Variants in BIRC6 observed in about 807,000 individuals in gnomAD.
The protein encoded by BIRC6 is baculoviral IAP repeat containing 6.
In BIRC6, 98 loss-of-function variants were observed where a neutral mutation model predicts 503.3. The observed-to-expected ratio is 0.19, with a 90% CI of 0.17 to 0.23. BIRC6 has a LOEUF of 0.23. BIRC6 is among the 10% of genes least tolerant of loss of function. The pLI is 1.00. For synonymous variants in BIRC6, 2,240 were observed against 2,078.7 expected, an observed-to-expected ratio of 1.08 and a Z score of -2.11; for missense variants, 5,360 against 5,806.0, an observed-to-expected ratio of 0.92 and a Z score of 2.50.
intron 66 of BIRC6, among the ~76,000 whole-genome samples, chr2:32,587,357 A>G (rs1051118481): frequency 6.6e-6 from 1 of 152,204 alleles, no homozygotes; most frequent in Admixed American, 6.5e-5. Flanking sequence ...ACTGCCCTCC[A>G]ACCTGGGCAA....
intron 20 of BIRC6, among the ~76,000 whole-genome samples, chr2:32,444,031 G>GTGTTTTTTTTTTTTTTTTTTTT: frequency 7.3e-6 from 1 of 136,876 alleles, no homozygotes; most frequent in African/African-American, 2.8e-5. Flanking sequence ...GGGACCAGTG[G>GTGTTTTTTTTTTTTTTTTTTTT]TTTTTTTTTT....
rs776165694 is a variant in BIRC6 at position 32,515,056 on chromosome 2, A to G, written c.10635A>G (p.Leu3545=). 2.9e-5 allele frequency: 47 copies of G among 1,613,792 alleles called. No individual in the cohort carries two copies. Among genetic ancestry groups the G allele is most frequent in the Non-Finnish European group, 2.7e-5 (32 of 1,179,860 alleles). ...TTTTGAAGAAAGCTGTTGACAGTCT[A>G]CTTTGCTCAATGTGTCACGTACACC... ...NMVLKKAVDS[L]LCSMCHVHPN... is the part of the protein sequence containing the mutation. The change falls in exon 55 of 74, where the codon CTA becomes CTG. Residue 3545 remains leucine (L), a synonymous_variant. Transcript: ENST00000421745.
At chr2:32,556,406 A>G (rs1162466276) in intron 65 of BIRC6, among the ~76,000 whole-genome samples, 1 of 152,182 alleles carries the variant, frequency 6.6e-6, no homozygotes, top group Non-Finnish European at 1.5e-5. Context: ...TTTCTCTCCT[A>G]TGAGCTGCTC....
At chr2:32,587,857 T>A (rs2061154801) in intron 66 of BIRC6, among the ~76,000 whole-genome samples, 1 of 152,242 alleles carries the variant, frequency 6.6e-6, no homozygotes, top group Non-Finnish European at 1.5e-5. Flanking sequence ...GAATTTGTAA[T>A]ATCCTATGAT....
At chr2:32,516,359 C>T (rs1365178872) in intron 55 of BIRC6, among the ~76,000 whole-genome samples, 1 of 151,182 alleles carries the variant, frequency 6.6e-6, no homozygotes, top group Admixed American at 6.6e-5. Flanking sequence ...CCTAAAAATA[C>T]AAAAAAATTA....
rs571369996 is a variant in BIRC6, at chr2:32,463,211, A to T, written c.4771A>T (p.Thr1591Ser). 6 of 1,610,514 alleles carry T rather than the reference A, an allele frequency of 3.7e-6. No homozygotes were observed. The highest frequency in any genetic ancestry group is 5.1e-6 in the Non-Finnish European group (6 of 1,178,718). Residue 1591 changes from threonine (T) to serine (S), a missense_variant, in exon 24 of 74, where the codon ACT becomes TCT. Coordinates refer to ENST00000421745, the MANE Select transcript of BIRC6 (RefSeq NM_016252.4). ...TATGCCAGTGAGTTCCTTCGGGGTTACTCCTGCAGTAGGTGGACTATCATC... is the reference window on the plus strand; with the variant it reads ...TATGCCAGTGAGTTCCTTCGGGGTTTCTCCTGCAGTAGGTGGACTATCATC... ...RDDAMSSFGV[T>S]PAVGGLSSGT...
At chr2:32,385,616 C>T (rs1179173445) in intron 3 of BIRC6, among the ~76,000 whole-genome samples, 1 of 152,164 alleles carries the variant, frequency 6.6e-6, no homozygotes, top group Non-Finnish European at 1.5e-5. Context: ...ATTAGGTTGC[C>T]ACAGGCTCCT....
intron 39 of BIRC6, among the ~76,000 whole-genome samples, chr2:32,485,068 A>T (rs548331341): frequency 6.6e-6 from 1 of 152,218 alleles, no homozygotes. Flanking sequence ...TTCTTAAAGG[A>T]GCATGGTATT....
intron 42 of BIRC6, among the ~76,000 whole-genome samples, chr2:32,489,771 A>G (rs887369763): frequency 2.6e-5 from 4 of 152,186 alleles, no homozygotes; most frequent in African/African-American, 4.8e-5. Flanking sequence ...AGAAATGCCT[A>G]TGGTTTGGAA....
intron 1 of BIRC6, among the ~76,000 whole-genome samples, chr2:32,360,127 G>A (rs2033815109): frequency 6.6e-6 from 1 of 152,126 alleles, no homozygotes. Context: ...CTACCACAGA[G>A]GAAAGACATC....
Position 32,479,663 on chromosome 2 carries a change from CAT to C in BIRC6, c.7408+47_7408+48del, listed in dbSNP as rs777108464. On this transcript the variant is annotated intron_variant, in intron 37 of 73. Transcript: ENST00000421745. Reference sequence around the variant, plus strand: ...TCTTCTTTATTCTATTAAATGGAAACATGTTTCAAAATAAAGAATGTTAGAGA... The same window carrying C: ...TCTTCTTTATTCTATTAAATGGAAACGTTTCAAAATAAAGAATGTTAGAGA... 47 of 1,408,616 alleles carry C rather than the reference CAT, an allele frequency of 3.3e-5. No individual in the cohort carries two copies. In the Middle Eastern group the frequency reaches 9.0e-4, roughly 27 times the overall value. 87.3% of individuals were successfully genotyped at this position (1,408,616 alleles called of 1,614,324 possible).
chr2:32,399,611 T>C (rs1478038252), intron 6 of BIRC6, among the ~76,000 whole-genome samples: 1 of 152,052 alleles, frequency 6.6e-6, no homozygotes, highest in Non-Finnish European at 1.5e-5. Context: ...CTTATAATTA[T>C]AGCTAATAGA....
rs2061564543 is a variant in BIRC6 at position 32,594,553 on chromosome 2, G to C, written c.13502-481G>C. Among the ~76,000 whole-genome samples, 4 of 152,134 alleles carry C rather than the reference G, an allele frequency of 2.6e-5. No homozygotes were observed. The South Asian group carries it at 8.3e-4, about 31-fold the overall frequency. On this transcript the variant is annotated intron_variant, in intron 67 of 73. Transcript: ENST00000421745. ...CTACGAAATACAGGAAACATTAGGT[G>C]GGCATAATGGCGTGTGCCTGTGGTC...
At chr2:32,403,099 A>G (rs2040778203) in intron 8 of BIRC6, among the ~76,000 whole-genome samples, 1 of 152,216 alleles carries the variant, frequency 6.6e-6, no homozygotes, top group African/African-American at 2.4e-5. Flanking sequence ...AAATCATACA[A>G]AAACATTAAG....
chr2:32,423,225 C>G (rs934163635), intron 10 of BIRC6, among the ~76,000 whole-genome samples: 1 of 152,172 alleles, frequency 6.6e-6, no homozygotes, highest in Non-Finnish European at 1.5e-5. Context: ...CCACTGTTCC[C>G]GGCCTGAGAC....
intron 16 of BIRC6, among the ~76,000 whole-genome samples, chr2:32,440,746 A>ATTT (rs2045330464): frequency 7.5e-6 from 1 of 133,672 alleles, no homozygotes; most frequent in African/African-American, 2.8e-5. Context: ...TATTGTGTTT[A>ATTT]TTTATTTATT....
At chr2:32,527,864 A>G (rs1236468391) in intron 59 of BIRC6, 1 of 152,238 alleles carries the variant, frequency 6.6e-6, no homozygotes, top group East Asian at 1.9e-4. Context: ...GAAGAAGGTC[A>G]AGATAACACC....
chr2:32,560,687 C>T (rs1277125977), intron 65 of BIRC6, among the ~76,000 whole-genome samples: 1 of 152,080 alleles, frequency 6.6e-6, no homozygotes, highest in East Asian at 1.9e-4. Context: ...CTCAAACATC[C>T]TCCTGATTAG....
chr2:32,370,324 T>C (rs2035750873), intron 1 of BIRC6, among the ~76,000 whole-genome samples: 1 of 149,390 alleles, frequency 6.7e-6, no homozygotes, highest in Non-Finnish European at 1.5e-5. Flanking sequence ...AAGTAAGTGG[T>C]CTGATGACAC....
Sources: gnomAD v4.1 joint callset for allele counts (sites outside exome capture counted in the v4.1 genomes callset) on GRCh38, gnomAD v4.1.1 for gene constraint, MANE v1.5 for transcripts, NCBI Gene and HGNC (gene_info 2026-07-23, HGNC 2026-07-21) for gene names.